The following PPP2R3A variants were observed in gnomAD, a reference collection of about 807,000 sequenced individuals.
PPP2R3A encodes the protein protein phosphatase 2 regulatory subunit B''alpha, also known as serine/threonine-protein phosphatase 2A regulatory subunit B'' subunit alpha.
PPP2R3A carries 80 observed loss-of-function variants against 106.9 expected under a neutral mutation model. The observed-to-expected ratio is 0.75, with a 90% CI of 0.62 to 0.90. PPP2R3A has a LOEUF of 0.90. PPP2R3A is among the 40% of genes least tolerant of loss of function. PPP2R3A has a pLI of 0.00. For synonymous variants in PPP2R3A, 483 were observed against 468.3 expected (o/e 1.03, Z -0.41); for missense variants, 1,386 against 1,350.4 (o/e 1.03, Z -0.41).
At chr3:136,048,907 G>C (rs1386781886) in intron 4 of PPP2R3A, among the ~76,000 whole-genome samples, 1 of 152,138 alleles carries the variant, frequency 6.6e-6, no homozygotes, top group Non-Finnish European at 1.5e-5. Context: ...CAAGTTTCTA[G>C]CTTGAACCAT....
chr3:136,049,166 C>A, intron 4 of PPP2R3A, 93 bp from the exon 5 acceptor site: 1 of 859,702 alleles, frequency 1.2e-6, no homozygotes, highest in Non-Finnish European at 1.9e-6. Context: ...ATCTGAGTGG[C>A]CTTCAGATCA....
chr3:136,041,066 TTACTC>T, intron 4 of PPP2R3A, 104 bp downstream of exon 4: 1 of 841,468 alleles, frequency 1.2e-6, no homozygotes, highest in East Asian at 3.0e-5. Context: ...CATTTTCCCT[TTACTC>T]TTTATATCAA....
At chr3:136,005,454 A>G (rs1253915591) in intron 2 of PPP2R3A, among the ~76,000 whole-genome samples, 1 of 152,232 alleles carries the variant, frequency 6.6e-6, no homozygotes, top group Non-Finnish European at 1.5e-5. Flanking sequence ...TAATAAGGTT[A>G]CTAAGTGATT....
chr3:136,062,133 A>T (rs1198814894), intron 5 of PPP2R3A, among the ~76,000 whole-genome samples: 2 of 152,110 alleles, frequency 1.3e-5, no homozygotes, highest in African/African-American at 2.4e-5. Context: ...GTTCACATAA[A>T]CCTGATTCCT....
chr3:136,102,655 G>A, intron 11 of PPP2R3A, among the ~76,000 whole-genome samples: 1 of 152,020 alleles, frequency 6.6e-6, no homozygotes, highest in Non-Finnish European at 1.5e-5. Flanking sequence ...GCTTAGTGTA[G>A]CAATTGATGG....
intron 1 of PPP2R3A, among the ~76,000 whole-genome samples, chr3:135,989,122 C>A (rs1208505891): frequency 1.3e-5 from 2 of 152,090 alleles, no homozygotes; most frequent in Non-Finnish European, 2.9e-5. Context: ...GATCCAGTAT[C>A]TAAAACAGAT....
chr3:136,031,374 A>C (rs1347071725), intron 3 of PPP2R3A, among the ~76,000 whole-genome samples: 1 of 151,956 alleles, frequency 6.6e-6, no homozygotes, highest in African/African-American at 2.4e-5. Flanking sequence ...TTTCTTGTTG[A>C]TATGAGTTCA....
intron 2 of PPP2R3A, among the ~76,000 whole-genome samples, chr3:136,010,447 G>T (rs1243311502): frequency 1.1e-4 from 8 of 69,694 alleles, no homozygotes; most frequent in African/African-American, 3.3e-4. Context: ...TTTTTTTTGA[G>T]ACGGAGTCTC....
intron 13 of PPP2R3A, among the ~76,000 whole-genome samples, chr3:136,116,159 G>C (rs564073100): frequency 6.6e-6 from 1 of 152,284 alleles, no homozygotes; most frequent in Non-Finnish European, 1.5e-5. Context: ...ACAAGCGAAA[G>C]AGAAATAAAA....
chr3:135,975,400 T>C (rs1937390535), intron 1 of PPP2R3A, among the ~76,000 whole-genome samples: 1 of 152,228 alleles, frequency 6.6e-6, no homozygotes, highest in African/African-American at 2.4e-5. Flanking sequence ...TCTGGTGGGT[T>C]CATGTTATTA....
intron 13 of PPP2R3A, among the ~76,000 whole-genome samples, chr3:136,121,590 G>T (rs1304018344): frequency 6.6e-6 from 1 of 151,842 alleles, no homozygotes; most frequent in African/African-American, 2.4e-5. Flanking sequence ...TAAAATAAAA[G>T]TTGAAAAAGA....
chr3:136,052,924 G>A (rs923989701), intron 5 of PPP2R3A, among the ~76,000 whole-genome samples: 5 of 152,160 alleles, frequency 3.3e-5, no homozygotes, highest in African/African-American at 1.2e-4. Flanking sequence ...GAAAATCAAC[G>A]TACAAGAAAT....
intron 1 of PPP2R3A, among the ~76,000 whole-genome samples, chr3:135,999,479 G>T (rs1933534548): frequency 6.6e-6 from 1 of 152,128 alleles, no homozygotes. Context: ...TTGAATTATG[G>T]TCTGAATAAA....
intron 2 of PPP2R3A, among the ~76,000 whole-genome samples, chr3:136,025,793 T>C (rs1246718106): frequency 6.6e-6 from 1 of 152,166 alleles, no homozygotes; most frequent in African/African-American, 2.4e-5. Context: ...TCATCTTTCA[T>C]ACTTTATGTA....
At chr3:136,071,195 C>G (rs189660865) in intron 6 of PPP2R3A, among the ~76,000 whole-genome samples, 194 of 152,334 alleles carry the variant, frequency 1.3e-3, no homozygotes, top group African/African-American at 4.6e-3. Context: ...GGGCCATTCA[C>G]CAGACACATT....
At chr3:136,107,339 C>G (rs1278495) in intron 13 of PPP2R3A, among the ~76,000 whole-genome samples, 9,905 of 152,050 alleles carry the variant, frequency 0.065, 466 homozygotes, top group Non-Finnish European at 0.1. Context: ...TTCTCCTCCC[C>G]AGAAGCAACA....
rs568994871 is a variant in PPP2R3A, at chr3:136,114,833, G to A, written c.3329+8511G>A. On this transcript the variant is annotated intron_variant, in intron 13 of 13. Transcript: ENST00000264977. The stretch of plus-strand genomic sequence containing the variant: ...TTTCCCTGGGATAGAGCATGTGGGG[G>A]AAGGGGCAACTGTGGGCGCAGCTTC... Among the ~76,000 whole-genome samples the A allele has an allele frequency of 7.9e-5, 12 of 152,346 alleles. No individual in the cohort carries two copies. In the South Asian group the frequency reaches 2.5e-3, roughly 32 times the overall value.
chr3:136,105,091 A>G (rs561466369), intron 12 of PPP2R3A, among the ~76,000 whole-genome samples: 1 of 152,344 alleles, frequency 6.6e-6, no homozygotes, highest in Non-Finnish European at 1.5e-5. Context: ...AAAGGTGGCA[A>G]CCAAAGTATC....
At chr3:136,021,861 A>G (rs1934477997) in intron 2 of PPP2R3A, among the ~76,000 whole-genome samples, 1 of 151,868 alleles carries the variant, frequency 6.6e-6, no homozygotes, top group South Asian at 2.1e-4. Flanking sequence ...TATTTACATA[A>G]TACTTATATT....
Sources: allele counts gnomAD v4.1 joint callset (sites outside exome capture counted in the v4.1 genomes callset), GRCh38; gene constraint gnomAD v4.1.1; transcripts MANE v1.5; gene names NCBI Gene and HGNC (gene_info 2026-07-23, HGNC 2026-07-21).